Variants in ANKDD1B observed in about 807,000 individuals in gnomAD.
ANKDD1B encodes ankyrin repeat and death domain-containing protein 1B.
A neutral mutation model predicts 59.7 loss-of-function variants in ANKDD1B; 57 were observed. The observed-to-expected ratio is 0.95, with a 90% confidence interval of 0.77 to 1.19. ANKDD1B has a LOEUF of 1.19. Among genes scored for constraint, ANKDD1B ranks in the 50% most tolerant of loss-of-function variants. The pLI, the probability that ANKDD1B is intolerant of heterozygous loss-of-function variation, is 0.00. For synonymous variants in ANKDD1B, 216 were observed against 239.5 expected, an observed-to-expected ratio of 0.90 and a Z score of 0.91; for missense variants, 602 against 641.9, an observed-to-expected ratio of 0.94 and a Z score of 0.67.
chr5:75,667,066 C>T (rs1775327073), intron 12 of ANKDD1B, 73 bp downstream of exon 12: 1 of 1,033,276 alleles, frequency 9.7e-7, no homozygotes, highest in African/African-American at 1.6e-5. Flanking sequence ...GGTGTGAGGT[C>T]TTCCAAGGAA....
intron 3 of ANKDD1B, among the ~76,000 whole-genome samples, chr5:75,624,771 C>A (rs1773946150): frequency 3.3e-5 from 5 of 152,146 alleles, no homozygotes. Context: ...GACCTACCTA[C>A]CCACCAACCC....
chr5:75,630,244 C>T (rs1040063145), intron 5 of ANKDD1B, among the ~76,000 whole-genome samples: 2 of 151,992 alleles, frequency 1.3e-5, no homozygotes, highest in South Asian at 2.1e-4. Flanking sequence ...GTTTAAAAAC[C>T]ACATATATCT....
chr5:75,663,475 T>G lies in ANKDD1B; in HGVS notation c.1177T>G (p.Tyr393Asp), dbSNP rs1368459048. The G allele has an allele frequency of 6.5e-7, 1 of 1,536,302 alleles. No individual in the cohort carries two copies. Among genetic ancestry groups the G allele is most frequent in the African/African-American group, 1.4e-5 (1 of 73,174 alleles). Residue 393 changes from tyrosine (Y) to aspartate (D), a missense_variant, in exon 11 of 14, where the codon TAC becomes GAC. Tyr to Asp is a radical substitution (Grantham distance 160). This residue lies in a region of ANKDD1B where 280 missense variants were observed against 319.8 expected (regional missense o/e 0.88). Coordinates refer to ENST00000601380, the MANE Select transcript of ANKDD1B (RefSeq NM_001276713.2). Reference protein sequence around the residue: ...VGMLIKAERYYAWREEHHESI... With the variant: ...VGMLIKAERYDAWREEHHESI... ...CATGCTCATTAAAGCAGAGAGATACTACGCCTGGAGAGAGGTAAGGAAGGA... is the reference window on the plus strand; with the variant it reads ...CATGCTCATTAAAGCAGAGAGATACGACGCCTGGAGAGAGGTAAGGAAGGA...
At position 75,653,229 on chromosome 5, in the gene ANKDD1B, C is replaced by G. The variant is rs1579967203; in HGVS notation, c.886C>G (p.Gln296Glu). 6.5e-7 allele frequency: 1 copy of G among 1,535,858 alleles called. No individual in the cohort carries two copies. The highest frequency in any genetic ancestry group is 8.7e-7 in the Non-Finnish European group (1 of 1,146,726). Reference protein sequence around the residue: ...FLLSENVDLHQKVEPKESPLH... With the variant: ...FLLSENVDLHEKVEPKESPLH... The stretch of plus-strand genomic sequence containing the variant: ...TCTCAGTGAGAACGTTGATCTGCAC[C>G]AGAAAGTGGAAGTGAGTTTATTCCA... Residue 296 changes from glutamine (Q) to glutamate (E), a missense_variant, in exon 8 of 14, where the codon CAG (glutamine) becomes GAG (glutamate). Coordinates refer to ENST00000601380, the MANE Select transcript of ANKDD1B (RefSeq NM_001276713.2).
intron 2 of ANKDD1B, among the ~76,000 whole-genome samples, chr5:75,619,136 AC>A (rs1486112670): frequency 1.3e-5 from 2 of 152,204 alleles, no homozygotes; most frequent in African/African-American, 2.4e-5. Flanking sequence ...TATTAAGAAA[AC>A]CTTGACAAAT....
intron 2 of ANKDD1B, among the ~76,000 whole-genome samples, chr5:75,619,587 A>G (rs1232233347): frequency 6.6e-6 from 1 of 152,234 alleles, no homozygotes; most frequent in East Asian, 1.9e-4. Flanking sequence ...AAAGAATAGT[A>G]AAGCCATGCC....
intron 7 of ANKDD1B, among the ~76,000 whole-genome samples, chr5:75,652,114 A>G (rs1435344862): frequency 6.6e-6 from 1 of 152,228 alleles, no homozygotes; most frequent in Non-Finnish European, 1.5e-5. Flanking sequence ...TGATGCAGCA[A>G]TTGCGGGAAA....
At chr5:75,622,821 T>C (rs1285373267) in intron 3 of ANKDD1B, among the ~76,000 whole-genome samples, 1 of 152,086 alleles carries the variant, frequency 6.6e-6, no homozygotes, top group East Asian at 1.9e-4. Flanking sequence ...TCAGAAGAAT[T>C]TCTTTTATGG....
chr5:75,640,204 C>T (rs111734451), intron 7 of ANKDD1B, among the ~76,000 whole-genome samples: 3,063 of 152,126 alleles, frequency 0.02, 38 homozygotes, highest in Middle Eastern at 0.041. Context: ...CCACCATACT[C>T]GGTTAATTTT....
In ANKDD1B at chr5:75,611,676, A is replaced by T. The variant is rs1581123716; in HGVS notation, c.42A>T (p.Ala14=). ...GCGCCCGGGGCCAAGGGGCCACGGC[A>T]GGGGGGCTGCTGCTCCGGGCTGCTG... ...AGRARGQGAT[A]GGLLLRAAAA... is the part of the protein sequence containing the mutation. Residue 14 remains alanine (A), a synonymous_variant, in exon 1 of 14, where the codon GCA becomes GCT. Coordinates refer to ENST00000601380, the MANE Select transcript of ANKDD1B (RefSeq NM_001276713.2). 4.9e-6 allele frequency: 6 copies of T among 1,231,624 alleles called. No individual in the cohort carries two copies. The East Asian group carries it at 1.6e-4, about 32-fold the overall frequency. The allele number at this position is 1,231,624 out of a possible 1,614,324, so 76.3% of individuals were successfully genotyped here.
intron 12 of ANKDD1B, among the ~76,000 whole-genome samples, chr5:75,667,919 C>T (rs1237758606): frequency 6.6e-6 from 1 of 152,104 alleles, no homozygotes; most frequent in Non-Finnish European, 1.5e-5. Flanking sequence ...TTGTATTGCA[C>T]ATTCTTAGGA....
intron 8 of ANKDD1B, 63 bp downstream of exon 8, chr5:75,653,303 G>A: frequency 8.7e-7 from 1 of 1,150,142 alleles, no homozygotes; most frequent in South Asian, 1.3e-5. Flanking sequence ...GTGTCAGGGA[G>A]ATGCCCCTTG....
chr5:75,661,327 G>A (rs1338059241), intron 10 of ANKDD1B, among the ~76,000 whole-genome samples: 2 of 148,846 alleles, frequency 1.3e-5, no homozygotes, highest in Non-Finnish European at 3.0e-5. Context: ...AAACCGGAAG[G>A]CGGAGGTTGC....
chr5:75,656,345 C>T (rs888927522), intron 9 of ANKDD1B, among the ~76,000 whole-genome samples: 61 of 152,244 alleles, frequency 4.0e-4, no homozygotes, highest in African/African-American at 1.4e-3. Flanking sequence ...TCAGCCATTG[C>T]GTGATTAAAT....
At chr5:75,638,602 TAAAA>T (rs1035738296) in intron 7 of ANKDD1B, among the ~76,000 whole-genome samples, 1 of 152,152 alleles carries the variant, frequency 6.6e-6, no homozygotes, top group African/African-American at 2.4e-5. Context: ...AAATTCAAGA[TAAAA>T]AATAAATAGC....
intron 9 of ANKDD1B, among the ~76,000 whole-genome samples, 162 bp downstream of exon 9, chr5:75,656,289 A>G (rs1579970814): frequency 6.6e-6 from 1 of 152,128 alleles, no homozygotes; most frequent in East Asian, 1.9e-4. Context: ...CTCCATCTCC[A>G]TGACCACACA....
chr5:75,611,748 G>A lies in ANKDD1B; in HGVS notation c.114G>A (p.Leu38=). 8.1e-7 allele frequency: 1 copy of A among 1,232,050 alleles called. No homozygotes were observed. Among genetic ancestry groups the A allele is most frequent in the Non-Finnish European group, 1.0e-6 (1 of 988,116 alleles). The allele number at this position is 1,232,050 out of a possible 1,614,324, so 76.3% of individuals were successfully genotyped here. ...LREDLWGAAA[L]PWRSLSRIPK... is the part of the protein sequence containing the mutation. ...AAGACCTGTGGGGCGCGGCCGCCCT[G>A]CCTTGGAGGAGCCTGTCCCGGATCC... Residue 38 remains leucine (L), a synonymous_variant, in exon 1 of 14, where the codon CTG becomes CTA. Transcript: ENST00000601380.
chr5:75,624,472 A>G (rs1773935399), intron 3 of ANKDD1B, among the ~76,000 whole-genome samples: 1 of 152,306 alleles, frequency 6.6e-6, no homozygotes, highest in African/African-American at 2.4e-5. Flanking sequence ...TTGGTAGACA[A>G]GTCAGCATAC....
At chr5:75,617,744 G>A (rs1051109153) in intron 2 of ANKDD1B, among the ~76,000 whole-genome samples, 4 of 152,166 alleles carry the variant, frequency 2.6e-5, no homozygotes, top group Admixed American at 2.0e-4. Flanking sequence ...CTGAAAAAAT[G>A]TAAGGCATTT....
Sources: gnomAD v4.1 joint callset for allele counts (sites outside exome capture counted in the v4.1 genomes callset) on GRCh38, gnomAD v4.1.1 for gene constraint, gnomAD v4.1.1 regional missense constraint, MANE v1.5 for transcripts, NCBI Gene and HGNC (gene_info 2026-07-23, HGNC 2026-07-21) for gene names.